The following MDGA2 variants were observed in gnomAD, a reference collection of about 807,000 sequenced individuals.
The protein encoded by MDGA2 is MAM domain-containing glycosylphosphatidylinositol anchor protein 2.
In MDGA2, 40 loss-of-function variants were observed where a neutral mutation model predicts 117.8. That is an observed-to-expected ratio of 0.34 (90% CI 0.26 to 0.44). MDGA2 has a LOEUF of 0.44. MDGA2 is among the 20% of genes least tolerant of loss of function. MDGA2 has a pLI of 1.00. For missense variants in MDGA2, 1,123 were observed against 1,250.6 expected, an observed-to-expected ratio of 0.90 and a Z score of 1.54; for synonymous variants, 452 against 439.0, an observed-to-expected ratio of 1.03 and a Z score of -0.37.
At chr14:47,174,212 C>A (rs1438026514) in intron 3 of MDGA2, among the ~76,000 whole-genome samples, 4 of 152,190 alleles carry the variant, frequency 2.6e-5, no homozygotes, top group African/African-American at 7.2e-5. Flanking sequence ...GACTTTAACA[C>A]CCCATTGTCA....
intron 1 of MDGA2, among the ~76,000 whole-genome samples, chr14:47,475,800 G>C (rs1307513595): frequency 6.6e-6 from 1 of 152,114 alleles, no homozygotes; most frequent in East Asian, 1.9e-4. Flanking sequence ...CAGTAGTAGA[G>C]GGAACAAAAC....
At chr14:47,406,117 G>A (rs1892255020) in intron 1 of MDGA2, among the ~76,000 whole-genome samples, 1 of 152,046 alleles carries the variant, frequency 6.6e-6, no homozygotes, top group African/African-American at 2.4e-5. Flanking sequence ...CTAGTTGTAA[G>A]AATTAACATA....
At chr14:47,359,492 C>A (rs1178842695) in intron 1 of MDGA2, among the ~76,000 whole-genome samples, 1 of 152,048 alleles carries the variant, frequency 6.6e-6, no homozygotes, top group Non-Finnish European at 1.5e-5. Flanking sequence ...CAAACTCAAG[C>A]ATATATGGTT....
chr14:46,980,676 T>TA (rs1414883687), intron 8 of MDGA2, among the ~76,000 whole-genome samples: 1 of 152,178 alleles, frequency 6.6e-6, no homozygotes, highest in Non-Finnish European at 1.5e-5. Context: ...CAGCCTTCAG[T>TA]AACCACCACC....
At chr14:47,498,741 TA>T (rs1894335262) in intron 1 of MDGA2, among the ~76,000 whole-genome samples, 1 of 152,036 alleles carries the variant, frequency 6.6e-6, no homozygotes, top group Non-Finnish European at 1.5e-5. Flanking sequence ...CTTAACAAAA[TA>T]AAAATATTAG....
chr14:46,974,649 G>T (rs1279183795), intron 8 of MDGA2, among the ~76,000 whole-genome samples: 3 of 152,238 alleles, frequency 2.0e-5, no homozygotes, highest in South Asian at 4.1e-4. Flanking sequence ...TCAACAAATG[G>T]TGTTGTGAAA....
intron 1 of MDGA2, among the ~76,000 whole-genome samples, chr14:47,311,582 G>A (rs1296264635): frequency 6.6e-6 from 1 of 152,102 alleles, no homozygotes; most frequent in African/African-American, 2.4e-5. Flanking sequence ...TCTACAAAAG[G>A]CAGAAGAACA....
At chr14:46,940,355 G>A (rs569091333) in intron 9 of MDGA2, among the ~76,000 whole-genome samples, 2 of 152,176 alleles carry the variant, frequency 1.3e-5, no homozygotes, top group African/African-American at 4.8e-5. Flanking sequence ...CCGGCCAGGC[G>A]CGGTGGCTCA....
intron 1 of MDGA2, among the ~76,000 whole-genome samples, chr14:47,339,653 T>G (rs1298323371): frequency 6.6e-6 from 1 of 152,148 alleles, no homozygotes; most frequent in Non-Finnish European, 1.5e-5. Flanking sequence ...CCCCTTCCTC[T>G]TTCACCATGA....
At chr14:46,951,197 T>A (rs952778468) in intron 9 of MDGA2, among the ~76,000 whole-genome samples, 85 of 152,014 alleles carry the variant, frequency 5.6e-4, no homozygotes, top group African/African-American at 1.9e-3. Flanking sequence ...AAACCCTATT[T>A]GGCAGGATTA....
intron 2 of MDGA2, among the ~76,000 whole-genome samples, chr14:47,252,663 C>T (rs1166184597): frequency 6.6e-6 from 1 of 152,044 alleles, no homozygotes; most frequent in African/African-American, 2.4e-5. Context: ...GAGTAACAAC[C>T]TGAATTCAAA....
chr14:47,622,997 C>G (rs957161233), intron 1 of MDGA2, among the ~76,000 whole-genome samples: 1 of 152,060 alleles, frequency 6.6e-6, no homozygotes, highest in Non-Finnish European at 1.5e-5. Flanking sequence ...CCCTAAAGTT[C>G]ACGTATTGGA....
At chr14:47,192,347 G>A (rs1885146018) in intron 3 of MDGA2, among the ~76,000 whole-genome samples, 1 of 152,138 alleles carries the variant, frequency 6.6e-6, no homozygotes, top group Non-Finnish European at 1.5e-5. Context: ...CGAACGAGGT[G>A]ACTCATGCCT....
chr14:47,173,458 A>T (rs1884277956), intron 3 of MDGA2, among the ~76,000 whole-genome samples: 1 of 152,224 alleles, frequency 6.6e-6, no homozygotes, highest in South Asian at 2.1e-4. Flanking sequence ...CTCTCGGCAG[A>T]AATTCTACAA....
chr14:47,244,822 A>G (rs1887184414), intron 2 of MDGA2, among the ~76,000 whole-genome samples: 1 of 151,676 alleles, frequency 6.6e-6, no homozygotes, highest in Non-Finnish European at 1.5e-5. Flanking sequence ...TTTTGTTCCC[A>G]TGTTCTCTTA....
Position 47,047,424 on chromosome 14 carries a change from T to C in MDGA2, c.1526-12120A>G, listed in dbSNP as rs118182254. Among the ~76,000 whole-genome samples, 189 of 152,186 alleles carry C rather than the reference T, an allele frequency of 1.2e-3. 5 individuals carry two copies. In the East Asian group the frequency reaches 0.019, roughly 16 times the overall value. On this transcript the variant is annotated intron_variant, in intron 7 of 16. Transcript: ENST00000399232. ...CTCATGAAAGTGTCCTCTAAACACT[T>C]TGAATTTTGTAATATATTTGTAAAG...
chr14:47,435,900 A>C (rs1892887500), intron 1 of MDGA2, among the ~76,000 whole-genome samples: 1 of 152,106 alleles, frequency 6.6e-6, no homozygotes, highest in Admixed American at 6.6e-5. Context: ...AGTTTGCATC[A>C]TTCAATTTCT....
chr14:47,024,391 A>C (rs1390174640), intron 8 of MDGA2, among the ~76,000 whole-genome samples: 1 of 152,204 alleles, frequency 6.6e-6, no homozygotes, highest in Non-Finnish European at 1.5e-5. Context: ...ACTGATGGGC[A>C]CAAAGAAACA....
chr14:46,948,296 T>A (rs1885243896), intron 9 of MDGA2, among the ~76,000 whole-genome samples: 1 of 152,072 alleles, frequency 6.6e-6, no homozygotes. Context: ...TTGCATATTT[T>A]ATTCCTGTGA....
Sources: gnomAD v4.1 joint callset for allele counts (sites outside exome capture counted in the v4.1 genomes callset) on GRCh38, gnomAD v4.1.1 for gene constraint, MANE v1.5 for transcripts, NCBI Gene and HGNC (gene_info 2026-07-23, HGNC 2026-07-21) for gene names.